Variants in SHBG observed in about 807,000 individuals in gnomAD.
SHBG encodes the protein sex hormone binding globulin.
A neutral mutation model predicts 41.9 loss-of-function variants in SHBG; 37 were observed. That is an observed-to-expected ratio of 0.88 (90% CI 0.68 to 1.16). The LOEUF (loss-of-function observed/expected upper bound fraction) is 1.16. SHBG is among the 50% of genes most tolerant of loss of function. SHBG has a pLI of 0.00. For missense variants in SHBG, 466 were observed against 499.9 expected, an observed-to-expected ratio of 0.93 and a Z score of 0.65; for synonymous variants, 217 against 205.8, an observed-to-expected ratio of 1.05 and a Z score of -0.47.
chr17:7,630,359 C>T lies in SHBG; in HGVS notation c.112-57C>T, dbSNP rs768257221. ...TCTGGCCCTGTAGCAGGGCCTCTCC[C>T]TCTGTCTGTCTCTGACATGTCCCTA... On this transcript the variant is annotated intron_variant, in intron 1 of 7. Coordinates refer to ENST00000380450, the MANE Select transcript of SHBG (RefSeq NM_001040.5). The surrounding 1 kb of genome is among the most constrained non-coding windows in gnomAD (Gnocchi z 4.6). 1.9e-6 allele frequency: 3 copies of T among 1,589,480 alleles called. No homozygotes were observed. The highest frequency in any genetic ancestry group is 1.3e-5 in the African/African-American group (1 of 74,394).
chr17:7,614,474 C>T, intron 1 of SHBG: 2 of 1,541,502 alleles, frequency 1.3e-6, no homozygotes, highest in Non-Finnish European at 1.7e-6. Context: ...CCCGTTGGAG[C>T]CGCGCACCTC....
chr17:7,628,241 T>C, upstream of SHBG: 1 of 275,556 alleles, frequency 3.6e-6, no homozygotes, highest in Non-Finnish European at 7.2e-6. Flanking sequence ...TTGCATTTTT[T>C]AAATGTTTTA....
upstream of SHBG, among the ~76,000 whole-genome samples, chr17:7,624,393 G>A (rs62059836): frequency 0.24 from 37,015 of 151,712 alleles, 4,885 homozygotes; most frequent in Admixed American, 0.34. Context: ...AATTACATGG[G>A]TGCCACCACA....
chr17:7,632,994 A>G, intron 7 of SHBG, 35 bp downstream of exon 7: 2 of 1,576,748 alleles, frequency 1.3e-6, no homozygotes, highest in Non-Finnish European at 1.7e-6. Flanking sequence ...CATGAGCACA[A>G]CATTGGAAAC....
chr17:7,633,146 A>G, intron 7 of SHBG, 58 bp from the exon 8 acceptor site: 1 of 1,600,922 alleles, frequency 6.2e-7, no homozygotes, highest in Non-Finnish European at 8.6e-7. Context: ...TGGGGAGAAG[A>G]TTCTGGATCC....
rs753560741 is a variant in SHBG, at chr17:7,630,275, C to T, written c.103C>T (p.Pro35Ser). 1.9e-6 allele frequency: 3 copies of T among 1,607,856 alleles called. No individual in the cohort carries two copies. In the African/African-American group the frequency reaches 4.0e-5, roughly 22 times the overall value. The change falls in exon 1 of 8, where the codon CCC (proline) becomes TCC (serine). Residue 35 changes from proline to serine, a missense_variant. By Grantham distance (74) the Pro-to-Ser change is moderately conservative. Coordinates refer to ENST00000380450, the MANE Select transcript of SHBG (RefSeq NM_001040.5). This position sits in a 1 kb window ranked among gnomAD's most constrained non-coding sequence, Gnocchi z 4.6. The part of the protein sequence containing the change: ...RQGWALRPVL[P>S]TQSAHDPPAV... ...GGGATGGGCCCTGAGACCTGTTCTC[C>T]CCACCCAGGTGCAGGAGCGGGACAG...
intron 6 of SHBG, 136 bp downstream of exon 6, chr17:7,632,151 T>A (rs1353100368): frequency 1.0e-6 from 1 of 983,294 alleles, no homozygotes; most frequent in Non-Finnish European, 1.6e-6. Context: ...CAGAATTGTT[T>A]TTCATTAATA....
intron 1 of SHBG, among the ~76,000 whole-genome samples, chr17:7,621,290 G>A (rs891440858): frequency 2.1e-5 from 3 of 140,222 alleles, no homozygotes; most frequent in Admixed American, 7.1e-5. Context: ...GAAACCCCAT[G>A]TCTACTAAAA....
upstream of SHBG, chr17:7,627,430 G>A (rs201828975): frequency 3.3e-4 from 530 of 1,614,018 alleles, 6 homozygotes; most frequent in South Asian, 5.3e-3. This position sits in a 1 kb window ranked among gnomAD's most constrained non-coding sequence, Gnocchi z 4.8. Context: ...GCGTGGGTAC[G>A]GAAGCTAGAT....
upstream of SHBG, chr17:7,627,052 A>G: frequency 6.2e-7 from 1 of 1,613,612 alleles, no homozygotes; most frequent in Non-Finnish European, 8.5e-7. The surrounding 1 kb of genome is among the most constrained non-coding windows in gnomAD (Gnocchi z 4.8). Flanking sequence ...GCCCTGAGAG[A>G]GAGAAAAGGG....
Position 7,630,359 on chromosome 17 carries a change from C to A in SHBG, c.112-57C>A. 6.3e-7 allele frequency: 1 copy of A among 1,589,598 alleles called. No homozygotes were observed. Among genetic ancestry groups the A allele is most frequent in the Non-Finnish European group, 8.6e-7 (1 of 1,157,794 alleles). The stretch of plus-strand genomic sequence containing the variant: ...TCTGGCCCTGTAGCAGGGCCTCTCC[C>A]TCTGTCTGTCTCTGACATGTCCCTA... On this transcript the variant is annotated intron_variant, in intron 1 of 7. Coordinates refer to ENST00000380450, the MANE Select transcript of SHBG (RefSeq NM_001040.5). The surrounding 1 kb of genome is among the most constrained non-coding windows in gnomAD (Gnocchi z 4.6).
At chr17:7,614,390 T>G in intron 1 of SHBG, 5 of 1,249,224 alleles carry the variant, frequency 4.0e-6, no homozygotes, top group Non-Finnish European at 5.6e-6. Context: ...GCCCCACGCG[T>G]TCCTGCTCCG....
chr17:7,615,083 A>T (rs2071944816), intron 1 of SHBG, among the ~76,000 whole-genome samples: 1 of 151,708 alleles, frequency 6.6e-6, no homozygotes. Flanking sequence ...TTCTTTCTTC[A>T]CCGCTCCACC....
upstream of SHBG, among the ~76,000 whole-genome samples, chr17:7,628,947 T>C (rs1198650677): frequency 1.3e-5 from 2 of 151,890 alleles, no homozygotes; most frequent in Non-Finnish European, 2.9e-5. Context: ...TCCCAGCTAC[T>C]CGGGAGGCTG....
At position 7,630,528 on chromosome 17, in the gene SHBG, T is replaced by A; in HGVS notation, c.203+21T>A. On this transcript the variant is annotated intron_variant, in intron 2 of 7. Transcript: ENST00000380450. This position sits in a 1 kb window ranked among gnomAD's most constrained non-coding sequence, Gnocchi z 4.6. ...ACAAAGTATGGGGTTGGCCTAGCCC[T>A]TGACCCAGTCCCCTGGTTCTGCCCT... is the stretch of plus-strand genomic sequence containing the variant. 1 of 1,605,024 alleles carries A rather than the reference T, an allele frequency of 6.2e-7. No homozygotes were observed. The highest frequency in any genetic ancestry group is 8.5e-7 in the Non-Finnish European group (1 of 1,171,746).
Position 7,630,678 on chromosome 17 carries a change from A to G in SHBG, c.204-2A>G. On this transcript the variant is annotated splice_acceptor_variant, in intron 2 of 7. Coordinates refer to ENST00000380450, the MANE Select transcript of SHBG (RefSeq NM_001040.5). LOFTEE classifies it high-confidence loss of function. This position sits in a 1 kb window ranked among gnomAD's most constrained non-coding sequence, Gnocchi z 4.6. ...ACAATCTTTCCTTCTGTGTCCTTCC[A>G]GAACCTCCTCCTCCTTTGAGGTTCG... is the stretch of plus-strand genomic sequence containing the variant. The G allele has an allele frequency of 6.2e-7, 1 of 1,613,412 alleles. No homozygotes were observed. Among genetic ancestry groups the G allele is most frequent in the Non-Finnish European group, 8.5e-7 (1 of 1,179,460 alleles).
In SHBG at chr17:7,630,510, A is replaced by G. The variant is rs375240926; in HGVS notation, c.203+3A>G. 1.9e-6 allele frequency: 3 copies of G among 1,613,314 alleles called. No individual in the cohort carries two copies. The African/African-American group carries it at 4.0e-5, about 22-fold the overall frequency. On this transcript the variant is annotated splice_donor_region_variant and intron_variant, in intron 2 of 7. Transcript: ENST00000380450. This position sits in a 1 kb window ranked among gnomAD's most constrained non-coding sequence, Gnocchi z 4.6. ...TTTGACCTCACCAAGATCACAAAGT[A>G]TGGGGTTGGCCTAGCCCTTGACCCA...
intron 6 of SHBG, 153 bp downstream of exon 6, chr17:7,632,168 C>T (rs2072439985): frequency 2.4e-6 from 2 of 844,728 alleles, no homozygotes; most frequent in Non-Finnish European, 3.8e-6. Flanking sequence ...AATAATTAGC[C>T]AGGCATGGTG....
chr17:7,626,894 G>A (rs1026638988), upstream of SHBG: 9 of 1,601,442 alleles, frequency 5.6e-6, no homozygotes, highest in Admixed American at 3.3e-5. Context: ...TAACAGTGGG[G>A]TCTGTGGGGT....
Sources: gnomAD v4.1 joint callset for allele counts (sites outside exome capture counted in the v4.1 genomes callset) on GRCh38, gnomAD v4.1.1 for gene constraint, Gnocchi (gnomAD v3.1) non-coding constraint, MANE v1.5 for transcripts, NCBI Gene and HGNC (gene_info 2026-07-23, HGNC 2026-07-21) for gene names.